The following MICA variants were observed in gnomAD, a reference collection of about 807,000 sequenced individuals.
MICA encodes the protein MHC class I polypeptide-related sequence A, also known as HLA class I antigen.
In MICA, 18 loss-of-function variants were observed where a neutral mutation model predicts 34.3. The ratio of observed to expected loss-of-function variants is 0.52; its 90% CI spans 0.36 to 0.78. The LOEUF (loss-of-function observed/expected upper bound fraction) is 0.78, where lower values mean the gene tolerates loss of function less well. MICA is among the 30% of genes least tolerant of loss of function. MICA has a pLI of 0.00. For missense variants in MICA, 333 were observed against 409.4 expected, an observed-to-expected ratio of 0.81 and a Z score of 1.61; for synonymous variants, 135 against 156.9, an observed-to-expected ratio of 0.86 and a Z score of 1.04.
chr6:31,412,380 TGCTG>T lies in MICA; in HGVS notation c.953_956del (p.Gly318AlafsTer67), dbSNP rs138201170. ...AGACATTCCATGTTTCTGCTGTTGCTGCTGGCTGCTGCTATTTTTGTTATTATTA... is the reference window on the plus strand; with the variant it reads ...AGACATTCCATGTTTCTGCTGTTGCTGCTGCTGCTATTTTTGTTATTATTA... On this transcript the variant is annotated frameshift_variant, in exon 5 of 6. Transcript: ENST00000449934. LOFTEE classifies it high-confidence loss of function. The T allele has an allele frequency of 0.11, 166,978 of 1,527,462 alleles. 9,654 individuals are homozygous for T. Among genetic ancestry groups the T allele is most frequent in the East Asian group, 0.15 (6,045 of 40,872 alleles). 94.6% of individuals were successfully genotyped at this position (1,527,462 alleles called of 1,614,324 possible).
intron 1 of MICA, among the ~76,000 whole-genome samples, chr6:31,405,081 C>A (rs372621370): frequency 1.2e-4 from 18 of 148,570 alleles, no homozygotes; most frequent in East Asian, 1.2e-3. Flanking sequence ...CTGTCCTCAC[C>A]CTACCCCAAG....
Position 31,410,611 on chromosome 6 carries a change from G to A in MICA, c.139G>A (p.Ala47Thr), listed in dbSNP as rs1051785. The A allele has an allele frequency of 0.063, 101,622 of 1,613,400 alleles. 3,920 individuals carry two copies. The highest frequency in any genetic ancestry group is 0.1 in the East Asian group (4,670 of 44,824). ...WDGSVQSGFLAEVHLDGQPFL... is the reference protein window; with the variant it reads ...WDGSVQSGFLTEVHLDGQPFL... ...TGGATCTGTGCAGTCAGGGTTTCTT[G>A]CTGAGGTACATCTGGATGGTCAGCC... The change falls in exon 2 of 6, where the codon GCT (alanine) becomes ACT (threonine). Residue 47 changes from alanine to threonine, a missense_variant. By Grantham distance (58) the Ala-to-Thr change is moderately conservative. Transcript: ENST00000449934.
intron 1 of MICA, among the ~76,000 whole-genome samples, chr6:31,404,720 C>T (rs1770656674): frequency 6.6e-6 from 1 of 151,966 alleles, no homozygotes; most frequent in South Asian, 2.1e-4. Context: ...AACCCTGATG[C>T]TAATGGCAGT....
chr6:31,409,319 G>A (rs1770940092), intron 1 of MICA, among the ~76,000 whole-genome samples: 1 of 151,538 alleles, frequency 6.6e-6, no homozygotes, highest in Admixed American at 6.6e-5. Flanking sequence ...CTGTGTGTGT[G>A]TGTATGTGTG....
intron 1 of MICA, among the ~76,000 whole-genome samples, chr6:31,410,090 G>A (rs776673637): frequency 1.3e-5 from 2 of 150,716 alleles, no homozygotes; most frequent in African/African-American, 2.5e-5. Context: ...CCCATGATGA[G>A]TCTCTTCTCG....
At chr6:31,404,472 C>T (rs1406364150) in intron 1 of MICA, among the ~76,000 whole-genome samples, 1 of 151,746 alleles carries the variant, frequency 6.6e-6, no homozygotes, top group Non-Finnish European at 1.5e-5. Context: ...CTCCCTGCTA[C>T]CCCTTCCTGT....
chr6:31,412,385 G>GCTGCTGCTT lies in MICA; in HGVS notation c.961_962insTCTGCTGCT (p.Cys320_Tyr321insPheCysCys). 7.0e-7 allele frequency: 1 copy of GCTGCTGCTT among 1,432,114 alleles called. No individual in the cohort carries two copies. Among genetic ancestry groups the GCTGCTGCTT allele is most frequent in the Admixed American group, 2.6e-5 (1 of 37,978 alleles). The allele number at this position is 1,432,114 out of a possible 1,614,324, so 88.7% of individuals were successfully genotyped here. On this transcript the variant is annotated inframe_insertion, in exon 5 of 6. Coordinates refer to ENST00000449934, the MANE Select transcript of MICA (RefSeq NM_001177519.3). ...TTCCATGTTTCTGCTGTTGCTGCTGGCTGCTGCTATTTTTGTTATTATTAT... is the reference window on the plus strand; with the variant it reads ...TTCCATGTTTCTGCTGTTGCTGCTGGCTGCTGCTTCTGCTGCTATTTTTGTTATTATTAT...
Position 31,415,276 on chromosome 6 carries a change from T to G in MICA, c.*294T>G. 5.7e-6 allele frequency: 3 copies of G among 525,898 alleles called. No homozygotes were observed. The highest frequency in any genetic ancestry group is 6.9e-6 in the Non-Finnish European group (2 of 290,080). The allele number at this position is 525,898 out of a possible 1,614,324, so 32.6% of individuals were successfully genotyped here. ...TTTATTGTTGTTGGAGGCTGCAAAA[T>G]GTTAGTAGATATGAGGCATTTGCAG... On this transcript the variant is annotated 3_prime_UTR_variant, in exon 6 of 6. Transcript: ENST00000449934.
At chr6:31,414,901 CAG>C in intron 5 of MICA, 109 bp from the exon 6 acceptor site, 5 of 897,734 alleles carry the variant, frequency 5.6e-6, no homozygotes, top group Non-Finnish European at 8.5e-6. Context: ...CATCTTCCCT[CAG>C]AGAAAGGGCA....
Position 31,412,094 on chromosome 6 carries a change from G to T in MICA, c.761G>T (p.Gly254Val), listed in dbSNP as rs1465390089. Residue 254 changes from glycine (G) to valine (V), a missense_variant, in exon 4 of 6, where the codon GGG becomes GTG. Coordinates refer to ENST00000449934, the MANE Select transcript of MICA (RefSeq NM_001177519.3). ...TTGAGCCACGACACCCAGCAGTGGGGGGATGTCCTGCCTGATGGGAATGGA... is the reference window on the plus strand; with the variant it reads ...TTGAGCCACGACACCCAGCAGTGGGTGGATGTCCTGCCTGATGGGAATGGA... ...VSLSHDTQQW[G>V]DVLPDGNGTY... The T allele has an allele frequency of 2.7e-5, 44 of 1,613,062 alleles. No individual in the cohort carries two copies. Among genetic ancestry groups the T allele is most frequent in the Non-Finnish European group, 3.6e-5 (43 of 1,179,940 alleles).
chr6:31,414,588 A>G (rs1218400488), intron 5 of MICA, among the ~76,000 whole-genome samples: 1 of 152,014 alleles, frequency 6.6e-6, no homozygotes. Flanking sequence ...TAGAGGGCAG[A>G]GCCCACAGTG....
chr6:31,411,471 G>A lies in MICA; in HGVS notation c.613+112G>A, dbSNP rs1370201054. On this transcript the variant is annotated intron_variant, in intron 3 of 5. Coordinates refer to ENST00000449934, the MANE Select transcript of MICA (RefSeq NM_001177519.3). The surrounding 1 kb of genome is among the most constrained non-coding windows in gnomAD (Gnocchi z 4.3). Reference sequence around the variant, plus strand: ...TGTGCTATGGATGAAGGCATTTCCTGTTGGCACATCGTGTCCTGATTTTCC... The same window carrying A: ...TGTGCTATGGATGAAGGCATTTCCTATTGGCACATCGTGTCCTGATTTTCC... The A allele has an allele frequency of 2.5e-5, 28 of 1,098,178 alleles. 1 individual carries two copies. In the South Asian group the frequency reaches 4.6e-4, roughly 18 times the overall value. The allele number at this position is 1,098,178 out of a possible 1,614,324, so 68.0% of individuals were successfully genotyped here. A position where few individuals can be genotyped will look rare whatever the true frequency, so the allele number is the denominator to read the frequency against.
Position 31,415,077 on chromosome 6 carries a change from C to T in MICA, c.*95C>T, listed in dbSNP as rs1423969420. 2 of 1,349,186 alleles carry T rather than the reference C, an allele frequency of 1.5e-6. No individual in the cohort carries two copies. Among genetic ancestry groups the T allele is most frequent in the African/African-American group, 2.9e-5 (2 of 68,420 alleles). The allele number at this position is 1,349,186 out of a possible 1,614,324, so 83.6% of individuals were successfully genotyped here. ...GACGAGTGACCACAGGGATGCCACA[C>T]AGCTCGGATTTCAGCCTCTGATGTC... On this transcript the variant is annotated 3_prime_UTR_variant, in exon 6 of 6. Transcript: ENST00000449934.
At chr6:31,408,794 C>T (rs544734201) in intron 1 of MICA, among the ~76,000 whole-genome samples, 5 of 150,572 alleles carry the variant, frequency 3.3e-5, no homozygotes, top group African/African-American at 9.7e-5. Flanking sequence ...ACCTGAGTTT[C>T]GGAGTTCGAA....
In MICA at chr6:31,414,147, T is replaced by C. The variant is rs1484209736; in HGVS notation, c.*30-865T>C. On this transcript the variant is annotated intron_variant, in intron 5 of 5. Coordinates refer to ENST00000449934, the MANE Select transcript of MICA (RefSeq NM_001177519.3). The stretch of plus-strand genomic sequence containing the variant: ...TGTGTGGAGATGGTGGCTGTGGCAG[T>C]GGCAGTTCCCAGGTGCAGAGGGTGG... 1.3e-5 allele frequency among the ~76,000 whole-genome samples: 2 copies of C among 151,958 alleles called. 1 individual carries two copies. The highest frequency in any genetic ancestry group is 4.8e-5 in the African/African-American group (2 of 41,308).
intron 1 of MICA, among the ~76,000 whole-genome samples, chr6:31,408,153 T>C (rs944294097): frequency 2.0e-5 from 3 of 151,966 alleles, no homozygotes; most frequent in African/African-American, 7.3e-5. Flanking sequence ...CATTGATTGA[T>C]TTGTGTATGT....
At position 31,415,133 on chromosome 6, in the gene MICA, C is replaced by T. The variant is rs41545213; in HGVS notation, c.*151C>T. The T allele has an allele frequency of 0.021, 22,353 of 1,088,296 alleles. 578 individuals carry two copies. Among genetic ancestry groups the T allele is most frequent in the Admixed American group, 0.044 (2,490 of 57,150 alleles). The allele number at this position is 1,088,296 out of a possible 1,614,324, so 67.4% of individuals were successfully genotyped here. On this transcript the variant is annotated 3_prime_UTR_variant, in exon 6 of 6. Transcript: ENST00000449934. ...TTGGGTCCACTGGCTCCACTGAGGG[C>T]ACCTAGACTCTACAGCCAGGCGGCT... is the stretch of plus-strand genomic sequence containing the variant.
chr6:31,405,728 G>T (rs1770712779), intron 1 of MICA, among the ~76,000 whole-genome samples: 1 of 151,646 alleles, frequency 6.6e-6, no homozygotes, highest in Admixed American at 6.6e-5. Flanking sequence ...ACCCTTCTCA[G>T]CCTCTGGTAA....
At chr6:31,414,198 T>C in intron 5 of MICA, among the ~76,000 whole-genome samples, 1 of 151,478 alleles carries the variant, frequency 6.6e-6, no homozygotes, top group Non-Finnish European at 1.5e-5. Context: ...GGCTAAGGGG[T>C]CTCCCCTACT....
Sources: gnomAD v4.1 joint callset for allele counts (sites outside exome capture counted in the v4.1 genomes callset) on GRCh38, gnomAD v4.1.1 for gene constraint, Gnocchi (gnomAD v3.1) non-coding constraint, MANE v1.5 for transcripts, NCBI Gene and HGNC (gene_info 2026-07-23, HGNC 2026-07-21) for gene names.